PCYT1A: variants seen among roughly 807,000 people sequenced by gnomAD.
PCYT1A encodes the protein choline-phosphate cytidylyltransferase A.
A neutral mutation model predicts 43.7 loss-of-function variants in PCYT1A; 25 were observed. That is an observed-to-expected ratio of 0.57 (90% CI 0.42 to 0.80). PCYT1A has a LOEUF of 0.80. PCYT1A is among the 30% of genes least tolerant of loss of function. The pLI, the probability that PCYT1A is intolerant of heterozygous loss-of-function variation, is 0.00. For missense variants in PCYT1A, 421 were observed against 474.2 expected (o/e 0.89, Z 1.04); for synonymous variants, 172 against 170.7 (o/e 1.01, Z -0.06).
rs1033849357 is a variant in PCYT1A, at chr3:196,234,723, G to T, written c.*3965C>A. 1.3e-5 allele frequency: 2 copies of T among 152,148 alleles called. No individual in the cohort carries two copies. Among genetic ancestry groups the T allele is most frequent in the Non-Finnish European group, 2.9e-5 (2 of 68,032 alleles). 9.4% of individuals were successfully genotyped at this position (152,148 alleles called of 1,614,324 possible). A position where few individuals can be genotyped will look rare whatever the true frequency, so the allele number is the denominator to read the frequency against. The stretch of plus-strand genomic sequence containing the variant: ...TTCCGTTTTCTGCCTCAATCCGAGC[G>T]CTAACATAAAATCTTGGCAGACAAC... On this transcript the variant is annotated 3_prime_UTR_variant, in exon 9 of 9. Transcript: ENST00000431016.
At chr3:196,263,614 A>AC (rs1202546518) in intron 2 of PCYT1A, among the ~76,000 whole-genome samples, 3 of 151,688 alleles carry the variant, frequency 2.0e-5, no homozygotes, top group East Asian at 1.9e-4. Flanking sequence ...GAAAGATTCC[A>AC]CCCCCCGGGG....
At chr3:196,243,438 T>C (rs1724426026) in intron 5 of PCYT1A, among the ~76,000 whole-genome samples, 1 of 152,152 alleles carries the variant, frequency 6.6e-6, no homozygotes, top group Admixed American at 6.5e-5. Context: ...CTGACTGGAA[T>C]AGATACATCT....
intron 2 of PCYT1A, among the ~76,000 whole-genome samples, chr3:196,258,804 C>T (rs760233248): frequency 6.6e-6 from 1 of 152,056 alleles, no homozygotes; most frequent in Admixed American, 6.5e-5. Flanking sequence ...CTAGGCTGGT[C>T]TCAAACTCCT....
At chr3:196,249,386 C>A (rs544022498) in intron 3 of PCYT1A, among the ~76,000 whole-genome samples, 1 of 150,872 alleles carries the variant, frequency 6.6e-6, no homozygotes, top group East Asian at 1.9e-4. Context: ...AGCAATCCCA[C>A]CTTGGCCTCC....
At chr3:196,274,313 C>T (rs1725525858) in intron 1 of PCYT1A, among the ~76,000 whole-genome samples, 1 of 152,238 alleles carries the variant, frequency 6.6e-6, no homozygotes, top group East Asian at 1.9e-4. Flanking sequence ...CACCTACTCC[C>T]AGCTCCCAGT....
rs73891235 is a variant in PCYT1A, at chr3:196,280,947, A to T, written c.-11+6668T>A. On this transcript the variant is annotated intron_variant, in intron 1 of 8. Coordinates refer to ENST00000431016, the MANE Select transcript of PCYT1A (RefSeq NM_001312673.2). ...AAGTTGCAATTACATATGCTATTCCACATTTCAAAAATCTAACTCAAACTT... is the reference window on the plus strand; with the variant it reads ...AAGTTGCAATTACATATGCTATTCCTCATTTCAAAAATCTAACTCAAACTT... Among the ~76,000 whole-genome samples the T allele has an allele frequency of 4.2e-3, 644 of 152,312 alleles. 7 individuals carry two copies. The highest frequency in any genetic ancestry group is 0.015 in the African/African-American group (622 of 41,562).
chr3:196,272,941 G>A (rs1725478109), intron 1 of PCYT1A, among the ~76,000 whole-genome samples: 1 of 152,244 alleles, frequency 6.6e-6, no homozygotes, highest in East Asian at 1.9e-4. Flanking sequence ...AGCCTGGTAG[G>A]CTATGCTCAG....
chr3:196,280,567 A>ATTTTTTTTTT (rs1725735210), intron 1 of PCYT1A, among the ~76,000 whole-genome samples: 1 of 40,862 alleles, frequency 2.4e-5, no homozygotes, highest in Non-Finnish European at 5.0e-5. Flanking sequence ...TGGTATTTTT[A>ATTTTTTTTTT]TTGTTTTTTT....
intron 1 of PCYT1A, among the ~76,000 whole-genome samples, chr3:196,276,046 G>A (rs1376850695): frequency 1.3e-5 from 2 of 150,560 alleles, no homozygotes; most frequent in East Asian, 1.9e-4. Context: ...GCAGTGAGCC[G>A]AGATCGTGCC....
In PCYT1A at chr3:196,242,819, T is replaced by G. The variant is rs537786054; in HGVS notation, c.487-179A>C. 1 of 620,014 alleles carries G rather than the reference T, an allele frequency of 1.6e-6. No individual in the cohort carries two copies. The highest frequency in any genetic ancestry group is 2.9e-6 in the Non-Finnish European group (1 of 341,772). 38.4% of individuals were successfully genotyped at this position (620,014 alleles called of 1,614,324 possible). A position where few individuals can be genotyped will look rare whatever the true frequency, so the allele number is the denominator to read the frequency against. ...ATTCACAAACCACCCAACCTAATGA[T>G]TTATGGAGTATACATATGAAGTTAG... On this transcript the variant is annotated intron_variant, in intron 5 of 8. Coordinates refer to ENST00000431016, the MANE Select transcript of PCYT1A (RefSeq NM_001312673.2). This position sits in a 1 kb window ranked among gnomAD's most constrained non-coding sequence, Gnocchi z 4.2.
chr3:196,279,200 A>C (rs551460894), intron 1 of PCYT1A, among the ~76,000 whole-genome samples: 1 of 151,384 alleles, frequency 6.6e-6, no homozygotes, highest in South Asian at 2.1e-4. Flanking sequence ...AGGCAGGAGA[A>C]TCATTTGAAC....
intron 2 of PCYT1A, among the ~76,000 whole-genome samples, chr3:196,265,196 TG>T (rs1394212834): frequency 5.9e-5 from 9 of 152,008 alleles, no homozygotes; most frequent in African/African-American, 2.2e-4. Context: ...CCTGAGTAGC[TG>T]GGATTACAGG....
At chr3:196,259,353 A>AG (rs2108772545) in intron 2 of PCYT1A, among the ~76,000 whole-genome samples, 1 of 62,432 alleles carries the variant, frequency 1.6e-5, no homozygotes, top group East Asian at 5.2e-3. Flanking sequence ...TTAAATTGTC[A>AG]AATTTTTGGC....
At chr3:196,263,484 T>C (rs1465568986) in intron 2 of PCYT1A, among the ~76,000 whole-genome samples, 5 of 152,258 alleles carry the variant, frequency 3.3e-5, no homozygotes, top group African/African-American at 1.2e-4. Flanking sequence ...CCCAAGGCGC[T>C]TGGATTTTAG....
intron 1 of PCYT1A, among the ~76,000 whole-genome samples, chr3:196,280,170 A>C (rs1018151884): frequency 5.9e-5 from 9 of 152,090 alleles, no homozygotes; most frequent in Non-Finnish European, 1.0e-4. Flanking sequence ...TTGCAAACAG[A>C]CCTACCAAGG....
chr3:196,281,639 C>G (rs1362805666), intron 1 of PCYT1A, among the ~76,000 whole-genome samples: 2 of 152,186 alleles, frequency 1.3e-5, no homozygotes, highest in Non-Finnish European at 2.9e-5. Context: ...TTTGCTACCT[C>G]TCATCCTAGA....
chr3:196,239,149 A>G (rs1308069023), intron 8 of PCYT1A, among the ~76,000 whole-genome samples: 1 of 152,212 alleles, frequency 6.6e-6, no homozygotes, highest in Non-Finnish European at 1.5e-5. Context: ...TATTTGGTTG[A>G]AAAGACTGCT....
intron 2 of PCYT1A, among the ~76,000 whole-genome samples, chr3:196,266,421 C>G (rs1272834321): frequency 6.6e-6 from 1 of 151,604 alleles, no homozygotes; most frequent in African/African-American, 2.4e-5. Context: ...TGCAGTGAGC[C>G]GAGATCAGGC....
chr3:196,287,650 G>A lies in PCYT1A; in HGVS notation c.-46C>T, dbSNP rs1267800564. The A allele has an allele frequency of 6.6e-6, 1 of 152,206 alleles. No homozygotes were observed. Among genetic ancestry groups the A allele is most frequent in the African/African-American group, 2.4e-5 (1 of 41,434 alleles). The allele number at this position is 152,206 out of a possible 1,614,324, so 9.4% of individuals were successfully genotyped here. ...CGCTCCCCCGAGCCCGGTCCGGTCG[G>A]ATTTCTGGCCGGCGCCGCGTCACTG... On this transcript the variant is annotated 5_prime_UTR_variant, in exon 1 of 9. Transcript: ENST00000431016.
Sources: gnomAD v4.1 joint callset for allele counts (sites outside exome capture counted in the v4.1 genomes callset) on GRCh38, gnomAD v4.1.1 for gene constraint, Gnocchi (gnomAD v3.1) non-coding constraint, MANE v1.5 for transcripts, NCBI Gene and HGNC (gene_info 2026-07-23, HGNC 2026-07-21) for gene names.